The following RYR3 variants were observed in gnomAD, a reference collection of about 807,000 sequenced individuals.
RYR3 encodes the protein brain ryanodine receptor-calcium release channel.
A neutral mutation model predicts 584.3 loss-of-function variants in RYR3; 207 were observed. That is an observed-to-expected ratio of 0.35 (90% confidence interval 0.32 to 0.40). The LOEUF (loss-of-function observed/expected upper bound fraction) is 0.40, where lower values mean the gene tolerates loss of function less well. Among genes scored for constraint, RYR3 ranks in the 10% least tolerant of loss-of-function variants. The pLI is 1.00. For synonymous variants in RYR3, 2,416 were observed against 2,248.5 expected, an observed-to-expected ratio of 1.07 and a Z score of -2.11; for missense variants, 5,616 against 6,089.2, an observed-to-expected ratio of 0.92 and a Z score of 2.59.
intron 10 of RYR3, among the ~76,000 whole-genome samples, chr15:33,556,929 A>C (rs2057105794): frequency 6.6e-6 from 1 of 152,098 alleles, no homozygotes; most frequent in Non-Finnish European, 1.5e-5. Flanking sequence ...TATATGTATA[A>C]CTCAAAATTT....
chr15:33,711,235 A>ATTTTTTT (rs143373949), intron 43 of RYR3, among the ~76,000 whole-genome samples: 1 of 75,790 alleles, frequency 1.3e-5, no homozygotes, highest in Admixed American at 1.8e-4. Flanking sequence ...TCTTTCTTTC[A>ATTTTTTT]TTTTTTTTTT....
At chr15:33,791,739 A>G (rs571478024) in intron 67 of RYR3, among the ~76,000 whole-genome samples, 4 of 152,352 alleles carry the variant, frequency 2.6e-5, no homozygotes, top group Non-Finnish European at 5.9e-5. Flanking sequence ...AGGTTTTGCA[A>G]AGTGAGTATA....
At chr15:33,751,309 C>T (rs1185387477) in intron 57 of RYR3, among the ~76,000 whole-genome samples, 6 of 152,224 alleles carry the variant, frequency 3.9e-5, no homozygotes, top group African/African-American at 1.4e-4. Flanking sequence ...GAAATTGCCA[C>T]ACTGTCTTCC....
At chr15:33,852,886 T>C in intron 94 of RYR3, 159 bp from the exon 95 acceptor site, 1 of 646,776 alleles carries the variant, frequency 1.5e-6, no homozygotes. Flanking sequence ...CAGTAGAGCC[T>C]GTGATGACTC....
At position 33,748,502 on chromosome 15, in the gene RYR3, C is replaced by G. The variant is rs2070969435; in HGVS notation, c.8171C>G (p.Ser2724Ter). ...TACAGTCCTGCTCCCCTCGACCTCT[C>G]AAACGTTGTGCTCTCCAGAGAGCTC... is the stretch of plus-strand genomic sequence containing the variant. ...NSYSPAPLDL[S>*]NVVLSRELQG... Residue 2724 changes from serine (S) to a stop codon, truncating the protein, a stop_gained, in exon 55 of 104, where the codon TCA becomes TGA. Coordinates refer to ENST00000634891, the MANE Select transcript of RYR3 (RefSeq NM_001036.6). LOFTEE classifies it high-confidence loss of function. 1 of 1,613,218 alleles carries G rather than the reference C, an allele frequency of 6.2e-7. No homozygotes were observed. Among genetic ancestry groups the G allele is most frequent in the African/African-American group, 1.3e-5 (1 of 74,908 alleles).
chr15:33,326,791 A>G (rs1969756760), intron 1 of RYR3, among the ~76,000 whole-genome samples: 1 of 152,230 alleles, frequency 6.6e-6, no homozygotes, highest in South Asian at 2.1e-4. Context: ...GTAATGGAGA[A>G]CTAGCTAACA....
chr15:33,688,595 AT>A (rs1426319252), intron 38 of RYR3, among the ~76,000 whole-genome samples: 2 of 150,472 alleles, frequency 1.3e-5, no homozygotes, highest in African/African-American at 2.4e-5. Flanking sequence ...AAAAAAAGAC[AT>A]TTATGCAGCT....
At chr15:33,509,930 C>CT (rs1490546997) in intron 3 of RYR3, among the ~76,000 whole-genome samples, 1 of 152,216 alleles carries the variant, frequency 6.6e-6, no homozygotes, top group African/African-American at 2.4e-5. Context: ...TGACTTGACT[C>CT]TGCTTTTTCC....
chr15:33,854,923 T>C lies in RYR3; in HGVS notation c.14007+11T>C. The C allele has an allele frequency of 6.2e-7, 1 of 1,605,996 alleles. No individual in the cohort carries two copies. The highest frequency in any genetic ancestry group is 8.5e-7 in the Non-Finnish European group (1 of 1,176,518). ...CACAATGGCAAACAGGTATGGTTTC[T>C]ACTGATGCAGAACAGAATGGACCTG... On this transcript the variant is annotated intron_variant, in intron 98 of 103. Transcript: ENST00000634891.
At position 33,659,715 on chromosome 15, in the gene RYR3, T is replaced by C; in HGVS notation, c.4309-5T>C. ...GCAAAGCTTTCGATTTGTTTTGATTTCCAGGTGGAGCCTAATACCAAAGTG... is the reference window on the plus strand; with the variant it reads ...GCAAAGCTTTCGATTTGTTTTGATTCCCAGGTGGAGCCTAATACCAAAGTG... On this transcript the variant is annotated splice_polypyrimidine_tract_variant and splice_region_variant and intron_variant, in intron 32 of 103. Coordinates refer to ENST00000634891, the MANE Select transcript of RYR3 (RefSeq NM_001036.6). 6.3e-7 allele frequency: 1 copy of C among 1,599,964 alleles called. No individual in the cohort carries two copies. Among genetic ancestry groups the C allele is most frequent in the Non-Finnish European group, 8.6e-7 (1 of 1,167,164 alleles).
intron 1 of RYR3, among the ~76,000 whole-genome samples, chr15:33,327,897 G>A (rs1227049680): frequency 6.6e-6 from 1 of 152,120 alleles, no homozygotes; most frequent in Non-Finnish European, 1.5e-5. Flanking sequence ...CCCCCCAAGT[G>A]GTGTTTTCTT....
At chr15:33,682,906 G>C (rs1720810671) in intron 38 of RYR3, among the ~76,000 whole-genome samples, 1 of 152,152 alleles carries the variant, frequency 6.6e-6, no homozygotes, top group Non-Finnish European at 1.5e-5. Context: ...GAAAGAGTAA[G>C]ACGGGCCATA....
At chr15:33,854,237 CTT>C (rs2079407486) in intron 96 of RYR3, among the ~76,000 whole-genome samples, 150 bp from the exon 97 acceptor site, 1 of 151,710 alleles carries the variant, frequency 6.6e-6, no homozygotes, top group South Asian at 2.1e-4. Context: ...CAACTGTTCT[CTT>C]GTCTCATGGG....
intron 2 of RYR3, among the ~76,000 whole-genome samples, chr15:33,477,861 C>T (rs7181096): frequency 3.6e-5 from 3 of 82,968 alleles, no homozygotes; most frequent in South Asian, 3.6e-4. Context: ...GGCGACAGAG[C>T]GAGATTCTGT....
chr15:33,671,652 CA>C (rs2063840939), intron 38 of RYR3, among the ~76,000 whole-genome samples: 1 of 152,020 alleles, frequency 6.6e-6, no homozygotes, highest in African/African-American at 2.4e-5. Context: ...GATGTGCCAG[CA>C]GCACTCTAAA....
intron 82 of RYR3, 24 bp from the exon 83 acceptor site, chr15:33,826,228 C>G: frequency 6.2e-7 from 1 of 1,612,378 alleles, no homozygotes; most frequent in Non-Finnish European, 8.5e-7. Flanking sequence ...ACTTTCTATT[C>G]TTCTGTTTTT....
At chr15:33,546,198 G>A (rs1220691570) in intron 8 of RYR3, among the ~76,000 whole-genome samples, 2 of 152,196 alleles carry the variant, frequency 1.3e-5, no homozygotes, top group African/African-American at 4.8e-5. Context: ...TCCTTCAGAT[G>A]TCAGGGGTAG....
intron 1 of RYR3, among the ~76,000 whole-genome samples, chr15:33,375,394 G>T (rs145210701): frequency 0.019 from 2,825 of 152,290 alleles, 48 homozygotes; most frequent in Middle Eastern, 0.044. Flanking sequence ...CAGTGGATTG[G>T]ATTGAGACGG....
chr15:33,728,858 T>C lies in RYR3; in HGVS notation c.7035T>C (p.Asp2345=). The change falls in exon 47 of 104, where the codon GAT becomes GAC. Residue 2345 remains aspartate, a splice_region_variant and synonymous_variant. Transcript: ENST00000634891. The stretch of plus-strand genomic sequence containing the variant: ...TTACATTTTCTATGTGTCTTTCAGA[T>C]GGGTCGGTCAGTGAGCCAGATATGG... The part of the protein sequence containing the change: ...IPLKLPSLNK[D]GSVSEPDMAA... 2 of 1,609,292 alleles carry C rather than the reference T, an allele frequency of 1.2e-6. No homozygotes were observed. Among genetic ancestry groups the C allele is most frequent in the Non-Finnish European group, 1.7e-6 (2 of 1,178,596 alleles).
Sources: gnomAD v4.1 joint callset for allele counts (sites outside exome capture counted in the v4.1 genomes callset) on GRCh38, gnomAD v4.1.1 for gene constraint, MANE v1.5 for transcripts, NCBI Gene and HGNC (gene_info 2026-07-23, HGNC 2026-07-21) for gene names.